The following ZYG11B variants were observed in gnomAD, a reference collection of about 807,000 sequenced individuals.
The protein encoded by ZYG11B is protein zyg-11 homolog B.
ZYG11B carries 36 observed loss-of-function variants against 82.4 expected under a neutral mutation model. The ratio of observed to expected loss-of-function variants is 0.44; its 90% CI spans 0.33 to 0.58. The LOEUF (loss-of-function observed/expected upper bound fraction) is 0.58. Ranked by LOEUF, ZYG11B falls within the 20% of genes least tolerant of loss-of-function variation. ZYG11B has a pLI of 0.02. For synonymous variants in ZYG11B, 303 were observed against 312.8 expected, an observed-to-expected ratio of 0.97 and a Z score of 0.33; for missense variants, 552 against 895.6, an observed-to-expected ratio of 0.62 and a Z score of 4.90.
At chr1:52,807,165 C>T (rs1472840767) in intron 10 of ZYG11B, among the ~76,000 whole-genome samples, 2 of 152,022 alleles carry the variant, frequency 1.3e-5, no homozygotes, top group Non-Finnish European at 2.9e-5. Context: ...GCCACCGCGC[C>T]CGGCCTTTTT....
chr1:52,826,768 G>A lies in ZYG11B; in HGVS notation c.*5139G>A, dbSNP rs1558148266. The A allele has an allele frequency of 6.6e-6, 1 of 152,068 alleles. No individual in the cohort carries two copies. The highest frequency in any genetic ancestry group is 1.5e-5 in the Non-Finnish European group (1 of 68,030). The allele number at this position is 152,068 out of a possible 1,614,324, so 9.4% of individuals were successfully genotyped here. On this transcript the variant is annotated 3_prime_UTR_variant, in exon 14 of 14. Coordinates refer to ENST00000294353, the MANE Select transcript of ZYG11B (RefSeq NM_024646.3). The stretch of plus-strand genomic sequence containing the variant: ...CATTAAGAATATTTCCAAAATCCAA[G>A]TTTATCAAAATTATTTTGTGGGAAA...
intron 10 of ZYG11B, among the ~76,000 whole-genome samples, chr1:52,803,085 C>T (rs1213580777): frequency 2.1e-4 from 5 of 23,648 alleles, no homozygotes; most frequent in African/African-American, 4.4e-4. Context: ...TATATATATA[C>T]ACATATATAT....
At chr1:52,797,155 T>TTTATATA (rs1180998563) in intron 8 of ZYG11B, among the ~76,000 whole-genome samples, 2 of 74,060 alleles carry the variant, frequency 2.7e-5, no homozygotes, top group Admixed American at 2.5e-4. Flanking sequence ...ATATTATATA[T>TTTATATA]TTATATATTA....
At chr1:52,808,334 A>G (rs1014186550) in intron 10 of ZYG11B, among the ~76,000 whole-genome samples, 1 of 152,204 alleles carries the variant, frequency 6.6e-6, no homozygotes, top group Non-Finnish European at 1.5e-5. Flanking sequence ...ATTGCACTCC[A>G]GCCTGGGCAA....
intron 8 of ZYG11B, among the ~76,000 whole-genome samples, chr1:52,800,114 A>T (rs996608835): frequency 4.3e-5 from 6 of 140,094 alleles, no homozygotes; most frequent in African/African-American, 1.3e-4. Context: ...TGGCTCTAAT[A>T]AAAAAAAAAA....
At position 52,771,140 on chromosome 1, in the gene ZYG11B, A is replaced by G; in HGVS notation, c.317A>G (p.Lys106Arg). The change falls in exon 3 of 14, where the codon AAG (lysine) becomes AGG (arginine). Residue 106 changes from lysine (K) to arginine (R), a missense_variant. Transcript: ENST00000294353. This position sits in a 1 kb window ranked among gnomAD's most constrained non-coding sequence, Gnocchi z 5.4. The stretch of plus-strand genomic sequence containing the variant: ...TTCCGGAAAGCTTTCTGCCACCACA[A>G]GTTAGTGGAACTTGATGCCACAGGT... ...VAFRKAFCHH[K>R]LVELDATGVN... 2 of 1,614,218 alleles carry G rather than the reference A, an allele frequency of 1.2e-6. No individual in the cohort carries two copies. The highest frequency in any genetic ancestry group is 1.7e-6 in the Non-Finnish European group (2 of 1,180,046).
intron 2 of ZYG11B, among the ~76,000 whole-genome samples, chr1:52,766,522 TATTG>T (rs1417101313): frequency 1.3e-5 from 2 of 152,194 alleles, no homozygotes; most frequent in African/African-American, 4.8e-5. Flanking sequence ...TGTTGGCATA[TATTG>T]ATTATCTCTT....
At chr1:52,762,223 T>G (rs1644638028) in intron 2 of ZYG11B, among the ~76,000 whole-genome samples, 1 of 151,602 alleles carries the variant, frequency 6.6e-6, no homozygotes, top group Admixed American at 6.6e-5. Flanking sequence ...TTTTTTTTTT[T>G]TTTTTGACAG....
At position 52,803,087 on chromosome 1, in the gene ZYG11B, C is replaced by CATATATATATATAT. The variant is rs1232248742; in HGVS notation, c.1695+959_1695+960insTATATATATATATA. ...TTGCCACTATATATATATATATACA[C>CATATATATATATAT]ATATATATATACATATATATATATA... On this transcript the variant is annotated intron_variant, in intron 10 of 13. Coordinates refer to ENST00000294353, the MANE Select transcript of ZYG11B (RefSeq NM_024646.3). Among the ~76,000 whole-genome samples, 71 of 22,550 alleles carry CATATATATATATAT rather than the reference C, an allele frequency of 3.1e-3. 4 individuals are homozygous for CATATATATATATAT. The highest frequency in any genetic ancestry group is 0.043 in the Middle Eastern group (2 of 46). 14.8% of individuals were successfully genotyped at this position (22,550 alleles called of 152,430 possible). A position where few individuals can be genotyped will look rare whatever the true frequency, so the allele number is the denominator to read the frequency against.
At chr1:52,728,825 A>G (rs1185173045) in intron 1 of ZYG11B, among the ~76,000 whole-genome samples, 1 of 151,920 alleles carries the variant, frequency 6.6e-6, no homozygotes, top group East Asian at 1.9e-4. Flanking sequence ...CTCATTGTGA[A>G]TGTGAGTAGC....
chr1:52,819,595 G>A (rs1251093829), intron 13 of ZYG11B, among the ~76,000 whole-genome samples: 1 of 151,878 alleles, frequency 6.6e-6, no homozygotes, highest in Non-Finnish European at 1.5e-5. Context: ...AGACCATCCT[G>A]GCTAACATGG....
intron 8 of ZYG11B, among the ~76,000 whole-genome samples, chr1:52,801,311 A>G (rs1375569776): frequency 6.6e-6 from 1 of 152,066 alleles, no homozygotes; most frequent in Non-Finnish European, 1.5e-5. Flanking sequence ...CTTAAGGAAA[A>G]CTTGGAGTTG....
intron 7 of ZYG11B, 47 bp downstream of exon 7, chr1:52,796,438 A>G: frequency 7.0e-7 from 1 of 1,429,548 alleles, no homozygotes; most frequent in Non-Finnish European, 9.8e-7. Context: ...GCTGTTTCTC[A>G]CTACATTTAC....
chr1:52,753,747 C>T (rs1191033859), intron 1 of ZYG11B, among the ~76,000 whole-genome samples: 1 of 151,860 alleles, frequency 6.6e-6, no homozygotes, highest in Non-Finnish European at 1.5e-5. Context: ...CAGGCATGCA[C>T]CACCACGCCC....
At chr1:52,821,224 C>G (rs1645280415) in intron 13 of ZYG11B, among the ~76,000 whole-genome samples, 1 of 151,540 alleles carries the variant, frequency 6.6e-6, no homozygotes, top group Non-Finnish European at 1.5e-5. Context: ...TTAGAAAAAT[C>G]AAGCTAGCTA....
intron 4 of ZYG11B, among the ~76,000 whole-genome samples, chr1:52,783,882 A>ATGTACATACACTTGTGTGTG (rs74208826): frequency 1.6e-5 from 2 of 126,012 alleles, no homozygotes; most frequent in Non-Finnish European, 1.6e-5. Context: ...ACGTGTGTGT[A>ATGTACATACACTTGTGTGTG]TATGTACATA....
chr1:52,761,336 T>C (rs983741382), intron 2 of ZYG11B, among the ~76,000 whole-genome samples: 1 of 152,208 alleles, frequency 6.6e-6, no homozygotes, highest in African/African-American at 2.4e-5. Context: ...CTGCCTATCC[T>C]CCTCTTCTCT....
Position 52,745,982 on chromosome 1 carries a change from G to A in ZYG11B, c.31-10476G>A, listed in dbSNP as rs1183948801. On this transcript the variant is annotated intron_variant, in intron 1 of 13. Coordinates refer to ENST00000294353, the MANE Select transcript of ZYG11B (RefSeq NM_024646.3). ...TTTAACTTTTTTTTTTTTTTGAGAC[G>A]GAGTCTCACTCTGTCGCCTAGGCTG... 5.3e-5 allele frequency among the ~76,000 whole-genome samples: 8 copies of A among 149,698 alleles called. No homozygotes were observed. The East Asian group carries it at 9.9e-4, about 18-fold the overall frequency.
At chr1:52,753,009 A>G (rs1385333777) in intron 1 of ZYG11B, among the ~76,000 whole-genome samples, 1 of 152,030 alleles carries the variant, frequency 6.6e-6, no homozygotes, top group African/African-American at 2.4e-5. Flanking sequence ...CACCACACCC[A>G]GCTAATTTTT....
Sources: gnomAD v4.1 joint callset for allele counts (sites outside exome capture counted in the v4.1 genomes callset) on GRCh38, gnomAD v4.1.1 for gene constraint, Gnocchi (gnomAD v3.1) non-coding constraint, MANE v1.5 for transcripts, NCBI Gene and HGNC (gene_info 2026-07-23, HGNC 2026-07-21) for gene names.